Variants in ASH1L observed in about 807,000 individuals in gnomAD.
The protein encoded by ASH1L is ASH1 like histone lysine methyltransferase.
A neutral mutation model predicts 269.0 loss-of-function variants in ASH1L; 23 were observed. The ratio of observed to expected loss-of-function variants is 0.09; its 90% CI spans 0.06 to 0.12. ASH1L has a LOEUF of 0.12. ASH1L is among the 10% of genes least tolerant of loss of function. The pLI is 1.00. For synonymous variants in ASH1L, 1,187 were observed against 1,253.5 expected, an observed-to-expected ratio of 0.95 and a Z score of 1.12; for missense variants, 2,912 against 3,567.8, an observed-to-expected ratio of 0.82 and a Z score of 4.68.
chr1:155,526,084 G>C (rs1239650128), intron 1 of ASH1L, among the ~76,000 whole-genome samples: 1 of 152,066 alleles, frequency 6.6e-6, no homozygotes, highest in Non-Finnish European at 1.5e-5. Flanking sequence ...CGGAATCACA[G>C]ATAGGGAAGG....
chr1:155,452,265 C>T (rs1230798246), intron 4 of ASH1L, among the ~76,000 whole-genome samples: 1 of 151,868 alleles, frequency 6.6e-6, no homozygotes, highest in South Asian at 2.1e-4. Context: ...TCTCCAACTC[C>T]GGACCTCAGG....
chr1:155,386,892 G>A (rs748298633), intron 7 of ASH1L, among the ~76,000 whole-genome samples: 12 of 151,986 alleles, frequency 7.9e-5, no homozygotes, highest in African/African-American at 1.5e-4. Flanking sequence ...TTTTGGCATC[G>A]TCATGAAGTC....
intron 27 of ASH1L, among the ~76,000 whole-genome samples, 154 bp downstream of exon 27, chr1:155,337,935 T>G (rs1652449015): frequency 6.6e-6 from 1 of 152,206 alleles, no homozygotes. Flanking sequence ...CCTTCCAGTT[T>G]CACTACCAAG....
chr1:155,451,982 AAGTGCTGGGAT>A (rs905662388), intron 4 of ASH1L, among the ~76,000 whole-genome samples: 1 of 151,782 alleles, frequency 6.6e-6, no homozygotes, highest in Non-Finnish European at 1.5e-5. Context: ...CAGCCTCCCA[AAGTGCTGGGAT>A]TACAGACGTG....
At position 155,480,277 on chromosome 1, in the gene ASH1L, G is replaced by A; in HGVS notation, c.2593C>T (p.Pro865Ser). 1 of 1,614,102 alleles carries A rather than the reference G, an allele frequency of 6.2e-7. No individual in the cohort carries two copies. Among genetic ancestry groups the A allele is most frequent in the Non-Finnish European group, 8.5e-7 (1 of 1,179,990 alleles). ...TCAATTTCTGGCTGTAAAATTGGGG[G>A]TTCTTGTTCTTCCTTAGACTGTAAA... ...FSLQSKEEQE[P>S]PILQPEIEIP... Residue 865 changes from proline to serine, a missense_variant, in exon 3 of 28, where the codon CCC becomes TCC. By Grantham distance (74) the Pro-to-Ser change is moderately conservative. This residue lies in a region of ASH1L where 715 missense variants were observed against 721.0 expected (regional missense o/e 0.99). Coordinates refer to ENST00000392403, the MANE Select transcript of ASH1L (RefSeq NM_018489.3).
chr1:155,390,790 C>T (rs993971426), intron 7 of ASH1L, among the ~76,000 whole-genome samples: 6 of 150,602 alleles, frequency 4.0e-5, no homozygotes, highest in Non-Finnish European at 5.9e-5. Flanking sequence ...GGACTACGTG[C>T]GCCCGCCACC....
At position 155,480,394 on chromosome 1, in the gene ASH1L, G is replaced by A; in HGVS notation, c.2476C>T (p.Pro826Ser). The A allele has an allele frequency of 1.2e-6, 2 of 1,613,972 alleles. No homozygotes were observed. The highest frequency in any genetic ancestry group is 3.3e-4 in the Middle Eastern group (2 of 6,062). Residue 826 changes from proline to serine, a missense_variant, in exon 3 of 28, where the codon CCC becomes TCC. Coordinates refer to ENST00000392403, the MANE Select transcript of ASH1L (RefSeq NM_018489.3). The stretch of plus-strand genomic sequence containing the variant: ...TTAGATTTAGGCCTTCCTCTTTTGG[G>A]CTTATAAATATCAGACAAAAGGTCA... ...SSDLLSDIYK[P>S]KRGRPKSKEM... is the part of the protein sequence containing the mutation.
intron 7 of ASH1L, among the ~76,000 whole-genome samples, chr1:155,391,942 T>C (rs1310239605): frequency 6.6e-6 from 1 of 151,142 alleles, no homozygotes. Flanking sequence ...AACAACACAA[T>C]GAGATTCCAT....
intron 1 of ASH1L, among the ~76,000 whole-genome samples, chr1:155,549,035 T>C (rs1671016784): frequency 6.6e-6 from 1 of 152,196 alleles, no homozygotes. Flanking sequence ...ATATACTTTT[T>C]ATGTCATTAT....
chr1:155,396,814 T>G (rs2148487415), intron 6 of ASH1L: 1 of 150,784 alleles, frequency 6.6e-6, no homozygotes, highest in Middle Eastern at 3.4e-3. Flanking sequence ...ATACAAAAAT[T>G]AGCTGAGCAT....
At position 155,521,268 on chromosome 1, in the gene ASH1L, AT is replaced by A; in HGVS notation, c.251del (p.Asn84IlefsTer2). Reference sequence around the variant, plus strand: ...CCTGGAGGCCAATTTTCAATTTTAAATTTCCCTCTGAAAAGTTTGTTTCTTT... The same window carrying A: ...CCTGGAGGCCAATTTTCAATTTTAAATTCCCTCTGAAAAGTTTGTTTCTTT... The part of the protein sequence containing the change: ...SVKETNFSEG[N>X]LKLKIGLQAK... On this transcript the variant is annotated frameshift_variant, in exon 2 of 28. Coordinates refer to ENST00000392403, the MANE Select transcript of ASH1L (RefSeq NM_018489.3). LOFTEE classifies it high-confidence loss of function. 6.2e-7 allele frequency: 1 copy of A among 1,614,088 alleles called. No homozygotes were observed. The highest frequency in any genetic ancestry group is 8.5e-7 in the Non-Finnish European group (1 of 1,180,016).
At chr1:155,518,724 G>A (rs1017942994) in intron 2 of ASH1L, among the ~76,000 whole-genome samples, 1 of 150,650 alleles carries the variant, frequency 6.6e-6, no homozygotes, top group Non-Finnish European at 1.5e-5. Context: ...AGAGAGAGAA[G>A]GGAAGGAAGA....
Position 155,513,450 on chromosome 1 carries a change from T to C in ASH1L, c.420+7650A>G, listed in dbSNP as rs567975092. ...AGCCAGGAGTGGTTGTGCATGCCTG[T>C]AGCCGGTCTACTCAAGAGGCTGAGA... On this transcript the variant is annotated intron_variant, in intron 2 of 27. Transcript: ENST00000392403. Among the ~76,000 whole-genome samples, 34 of 151,096 alleles carry C rather than the reference T, an allele frequency of 2.3e-4. No homozygotes were observed. The South Asian group carries it at 6.1e-3, about 27-fold the overall frequency.
rs1413606621 is a variant in ASH1L, at chr1:155,562,426, G to A, written c.-373C>T. ...AAGCGAACCCAAAATGGCGGCGGGA[G>A]CGGCGGCGGCGGCGGCGGCAGCAGC... On this transcript the variant is annotated 5_prime_UTR_variant, in exon 1 of 28. Coordinates refer to ENST00000392403, the MANE Select transcript of ASH1L (RefSeq NM_018489.3). 2 of 1,362,020 alleles carry A rather than the reference G, an allele frequency of 1.5e-6. No individual in the cohort carries two copies. The highest frequency in any genetic ancestry group is 1.3e-5 in the South Asian group (1 of 79,226). The allele number at this position is 1,362,020 out of a possible 1,614,324, so 84.4% of individuals were successfully genotyped here.
At chr1:155,378,420 A>T in intron 9 of ASH1L, 31 bp from the exon 10 acceptor site, 6 of 1,610,504 alleles carry the variant, frequency 3.7e-6, no homozygotes, top group Non-Finnish European at 5.1e-6. Flanking sequence ...TAGTTTGTGA[A>T]CATACAGGAT....
At chr1:155,381,273 G>A (rs1299192346) in intron 7 of ASH1L, among the ~76,000 whole-genome samples, 4 of 152,048 alleles carry the variant, frequency 2.6e-5, no homozygotes, top group Admixed American at 2.6e-4. Flanking sequence ...AGACATCCTT[G>A]GCTGGGTGCA....
intron 5 of ASH1L, among the ~76,000 whole-genome samples, chr1:155,423,961 A>G (rs891576755): frequency 2.0e-5 from 3 of 152,100 alleles, no homozygotes; most frequent in Non-Finnish European, 4.4e-5. Flanking sequence ...TCCTGACCCC[A>G]TGATCCGCCT....
intron 20 of ASH1L, among the ~76,000 whole-genome samples, chr1:155,347,116 G>C (rs1413211712): frequency 6.6e-6 from 1 of 152,092 alleles, no homozygotes; most frequent in Admixed American, 6.6e-5. Flanking sequence ...AAGAAGGAAA[G>C]AGCCAGGCGT....
chr1:155,343,394 C>T lies in ASH1L; in HGVS notation c.8213G>A (p.Arg2738Gln), dbSNP rs751156380. 4 of 1,614,150 alleles carry T rather than the reference C, an allele frequency of 2.5e-6. No individual in the cohort carries two copies. Among genetic ancestry groups the T allele is most frequent in the Non-Finnish European group, 3.4e-6 (4 of 1,180,038 alleles). ...SRRFYHNELF[R>Q]VPLYEIIPLE... is the part of the protein sequence containing the mutation. The stretch of plus-strand genomic sequence containing the variant: ...GGGAATGATCTCATAGAGTGGCACC[C>T]GAAATAGTTCATTATGATAGAACCG... Residue 2738 changes from arginine (R) to glutamine (Q), a missense_variant, in exon 24 of 28, where the codon CGG (arginine) becomes CAG (glutamine). Coordinates refer to ENST00000392403, the MANE Select transcript of ASH1L (RefSeq NM_018489.3). This position sits in a 1 kb window ranked among gnomAD's most constrained non-coding sequence, Gnocchi z 6.1.
Sources: gnomAD v4.1 joint callset for allele counts (sites outside exome capture counted in the v4.1 genomes callset) on GRCh38, gnomAD v4.1.1 for gene constraint, gnomAD v4.1.1 regional missense constraint, Gnocchi (gnomAD v3.1) non-coding constraint, MANE v1.5 for transcripts, NCBI Gene and HGNC (gene_info 2026-07-23, HGNC 2026-07-21) for gene names.